Variants in SLC25A21 observed in about 807,000 individuals in gnomAD.
SLC25A21 encodes the protein solute carrier family 25 member 21.
In SLC25A21, 47 loss-of-function variants were observed where a neutral mutation model predicts 43.8. The observed-to-expected ratio is 1.07, with a 90% CI of 0.85 to 1.37. SLC25A21 has a LOEUF of 1.37. SLC25A21 is among the 40% of genes most tolerant of loss of function. The probability of loss-of-function intolerance (pLI) is 0.00; values close to 1 mark genes in which losing one functional copy is unlikely to be tolerated. For missense variants in SLC25A21, 352 were observed against 350.2 expected, an observed-to-expected ratio of 1.00 and a Z score of -0.04; for synonymous variants, 131 against 121.3, an observed-to-expected ratio of 1.08 and a Z score of -0.52.
intron 1 of SLC25A21, among the ~76,000 whole-genome samples, chr14:37,073,845 A>G (rs562148518): frequency 6.6e-6 from 1 of 152,304 alleles, no homozygotes; most frequent in Non-Finnish European, 1.5e-5. Context: ...TTGATTGATC[A>G]AGGAACTTAA....
intron 2 of SLC25A21, among the ~76,000 whole-genome samples, chr14:36,869,017 T>A (rs1384109146): frequency 7.2e-5 from 11 of 152,158 alleles, no homozygotes; most frequent in South Asian, 2.1e-4. Context: ...CACCACCTTC[T>A]CCCTTTGTCC....
At chr14:37,113,665 C>A (rs1963058637) in intron 1 of SLC25A21, among the ~76,000 whole-genome samples, 1 of 151,860 alleles carries the variant, frequency 6.6e-6, no homozygotes, top group African/African-American at 2.4e-5. Flanking sequence ...ACCAGCCTGG[C>A]CAAGATGGTA....
At chr14:36,936,312 G>A (rs2138643030) in intron 1 of SLC25A21, among the ~76,000 whole-genome samples, 1 of 152,244 alleles carries the variant, frequency 6.6e-6, no homozygotes, top group South Asian at 2.1e-4. Flanking sequence ...GAACCAAACA[G>A]ACTGGAATGC....
At chr14:36,889,322 C>T (rs938453370) in intron 1 of SLC25A21, among the ~76,000 whole-genome samples, 4 of 152,140 alleles carry the variant, frequency 2.6e-5, no homozygotes, top group African/African-American at 9.7e-5. Flanking sequence ...ATGAAACTGA[C>T]TGCATGTCAT....
chr14:36,871,106 C>A (rs115636528), intron 2 of SLC25A21, among the ~76,000 whole-genome samples: 36 of 152,174 alleles, frequency 2.4e-4, no homozygotes, highest in African/African-American at 8.2e-4. Flanking sequence ...TGGCTATGGT[C>A]TGAATGTTTG....
intron 1 of SLC25A21, among the ~76,000 whole-genome samples, chr14:37,025,971 T>C (rs1165157917): frequency 1.3e-5 from 2 of 152,132 alleles, no homozygotes; most frequent in Non-Finnish European, 2.9e-5. Flanking sequence ...AGGCATGCAC[T>C]TATTTACACT....
In SLC25A21 at chr14:36,680,103, G is replaced by A; in HGVS notation, c.*555C>T. ...ACCAACAGATTTACATTTTAACATA[G>A]TATTCATAAAATTAAACATTCTTAA... On this transcript the variant is annotated 3_prime_UTR_variant, in exon 10 of 10. Transcript: ENST00000331299. The A allele has an allele frequency of 1.1e-6, 1 of 881,924 alleles. No individual in the cohort carries two copies. The highest frequency in any genetic ancestry group is 1.4e-6 in the Non-Finnish European group (1 of 736,784). The allele number at this position is 881,924 out of a possible 1,614,324, so 54.6% of individuals were successfully genotyped here. A position where few individuals can be genotyped will look rare whatever the true frequency, so the allele number is the denominator to read the frequency against.
At chr14:36,974,964 G>A (rs1959836521) in intron 1 of SLC25A21, among the ~76,000 whole-genome samples, 1 of 152,118 alleles carries the variant, frequency 6.6e-6, no homozygotes, top group Non-Finnish European at 1.5e-5. Context: ...TGATGTGATG[G>A]CAATGATGAT....
intron 1 of SLC25A21, among the ~76,000 whole-genome samples, chr14:36,895,798 C>T (rs935698858): frequency 2.6e-4 from 39 of 152,248 alleles, no homozygotes; most frequent in African/African-American, 8.2e-4. Flanking sequence ...TCGTTATGTA[C>T]CCAGTAGTCA....
chr14:36,711,405 T>A lies in SLC25A21; in HGVS notation c.516A>T (p.Leu172Phe). The change falls in exon 7 of 10, where the codon TTA (leucine) becomes TTT (phenylalanine). Residue 172 changes from leucine to phenylalanine, a missense_variant. Leu to Phe is a conservative substitution (Grantham distance 22). Coordinates refer to ENST00000331299, the MANE Select transcript of SLC25A21 (RefSeq NM_030631.4). The stretch of plus-strand genomic sequence containing the variant: ...CTCCATGTCGTCCCAAAGTTGCAGT[T>A]AATCCTTTGTTGAGGCCCTGGAGTC... ...GWGLQGLNKG[L>F]TATLGRHGVF... The A allele has an allele frequency of 6.2e-7, 1 of 1,614,146 alleles. No individual in the cohort carries two copies. Among genetic ancestry groups the A allele is most frequent in the South Asian group, 1.1e-5 (1 of 91,080 alleles).
intron 3 of SLC25A21, among the ~76,000 whole-genome samples, chr14:36,742,939 T>C (rs1885330400): frequency 6.6e-6 from 1 of 152,184 alleles, no homozygotes; most frequent in African/African-American, 2.4e-5. Flanking sequence ...AAACTGTATG[T>C]TTAGTATGAT....
At chr14:36,779,412 T>G (rs1400419651) in intron 3 of SLC25A21, among the ~76,000 whole-genome samples, 2 of 144,946 alleles carry the variant, frequency 1.4e-5, no homozygotes, top group Non-Finnish European at 1.5e-5. Flanking sequence ...AACATATTCT[T>G]ATATATATAA....
intron 1 of SLC25A21, among the ~76,000 whole-genome samples, chr14:37,130,840 G>C (rs1160964689): frequency 6.6e-6 from 1 of 152,216 alleles, no homozygotes; most frequent in Non-Finnish European, 1.5e-5. Context: ...ATTCTAAACA[G>C]ATGGGGAAAA....
intron 1 of SLC25A21, among the ~76,000 whole-genome samples, chr14:37,015,004 T>A (rs1032540005): frequency 6.6e-6 from 1 of 152,112 alleles, no homozygotes; most frequent in African/African-American, 2.4e-5. Context: ...GCTTTGTTGT[T>A]CCATTTATAG....
chr14:36,900,271 T>A (rs1358145364), intron 1 of SLC25A21, among the ~76,000 whole-genome samples: 1 of 152,010 alleles, frequency 6.6e-6, no homozygotes, highest in African/African-American at 2.4e-5. Flanking sequence ...TGGCCTCACT[T>A]TAGTCACATG....
intron 2 of SLC25A21, among the ~76,000 whole-genome samples, chr14:36,826,950 C>G (rs931779744): frequency 2.0e-5 from 3 of 152,156 alleles, no homozygotes; most frequent in Admixed American, 6.5e-5. Context: ...GTCCCAGAAG[C>G]CAAACAAGAT....
At chr14:37,160,649 G>A (rs575489428) in intron 1 of SLC25A21, among the ~76,000 whole-genome samples, 5 of 152,148 alleles carry the variant, frequency 3.3e-5, no homozygotes, top group Non-Finnish European at 7.4e-5. Flanking sequence ...ATAAATTCAG[G>A]CCAGGTGCGG....
intron 1 of SLC25A21, among the ~76,000 whole-genome samples, chr14:36,989,120 C>T (rs2138710058): frequency 6.6e-6 from 1 of 152,308 alleles, no homozygotes; most frequent in East Asian, 1.9e-4. Flanking sequence ...TCAGTTCTCA[C>T]TTGGATAAAG....
intron 1 of SLC25A21, among the ~76,000 whole-genome samples, chr14:37,012,148 TG>T (rs1960747492): frequency 6.6e-6 from 1 of 152,200 alleles, no homozygotes; most frequent in African/African-American, 2.4e-5. Context: ...GTCAGGACTT[TG>T]GAACCACATA....
Sources: allele counts gnomAD v4.1 joint callset (sites outside exome capture counted in the v4.1 genomes callset), GRCh38; gene constraint gnomAD v4.1.1; transcripts MANE v1.5; gene names NCBI Gene and HGNC (gene_info 2026-07-23, HGNC 2026-07-21).